CNTNAP3B: variants seen among roughly 807,000 people sequenced by gnomAD.
CNTNAP3B encodes the protein contactin associated protein family member 3B.
In CNTNAP3B, 25 loss-of-function variants were observed where a neutral mutation model predicts 108.9. The ratio of observed to expected loss-of-function variants is 0.23; its 90% CI spans 0.17 to 0.32. The LOEUF is 0.32. Among genes scored for constraint, CNTNAP3B ranks in the 10% least tolerant of loss-of-function variants. CNTNAP3B has a pLI of 1.00. For synonymous variants in CNTNAP3B, 103 were observed against 473.4 expected, an observed-to-expected ratio of 0.22 and a Z score of 10.16; for missense variants, 252 against 1,210.4, an observed-to-expected ratio of 0.21 and a Z score of 11.75.
At chr9:41,943,605 G>A (rs1824432225) in intron 13 of CNTNAP3B, among the ~76,000 whole-genome samples, 1 of 150,850 alleles carries the variant, frequency 6.6e-6, no homozygotes, top group African/African-American at 2.5e-5. Context: ...GCCCGCCTCG[G>A]CCTCCCAAAG....
chr9:41,924,365 T>G (rs1421119986), intron 15 of CNTNAP3B, among the ~76,000 whole-genome samples: 2 of 152,294 alleles, frequency 1.3e-5, no homozygotes, highest in Non-Finnish European at 2.9e-5. Context: ...AGCAACACAG[T>G]AGGGACAGGG....
At chr9:41,937,247 C>T (rs1564149571) in intron 14 of CNTNAP3B, among the ~76,000 whole-genome samples, 1 of 151,068 alleles carries the variant, frequency 6.6e-6, no homozygotes, top group Non-Finnish European at 1.5e-5. Flanking sequence ...CTGTCTCACC[C>T]TCCTGAGCAG....
intron 2 of CNTNAP3B, among the ~76,000 whole-genome samples, chr9:42,084,271 G>T (rs1827659907): frequency 8.2e-6 from 1 of 122,094 alleles, no homozygotes; most frequent in Non-Finnish European, 1.7e-5. Context: ...AGGCAAAGAA[G>T]CCATTATCTT....
rs1211046132 is a variant in CNTNAP3B, at chr9:41,925,908, G to A, written c.2366-1815C>T. ...GAGTCGTGGTTTCTTTTTTAGCAGA[G>A]AATGACAGAAAATGGTGTTTAGAAG... is the stretch of plus-strand genomic sequence containing the variant. On this transcript the variant is annotated intron_variant, in intron 15 of 23. Coordinates refer to ENST00000377561, the MANE Select transcript of CNTNAP3B (RefSeq NM_001201380.3). 1.4e-4 allele frequency among the ~76,000 whole-genome samples: 22 copies of A among 152,356 alleles called. No individual in the cohort carries two copies. The East Asian group carries it at 2.3e-3, about 16-fold the overall frequency.
intron 12 of CNTNAP3B, among the ~76,000 whole-genome samples, chr9:41,959,033 T>G (rs1240556903): frequency 5.7e-5 from 8 of 141,576 alleles, no homozygotes; most frequent in African/African-American, 2.2e-4. Flanking sequence ...TGACAACGGT[T>G]TCCCCAAAGG....
At chr9:41,964,260 A>C (rs1464249397) in intron 11 of CNTNAP3B, among the ~76,000 whole-genome samples, 19 of 151,990 alleles carry the variant, frequency 1.3e-4, no homozygotes, top group Non-Finnish European at 2.8e-4. Context: ...AATTTAATTT[A>C]GTTTCTACCT....
intron 2 of CNTNAP3B, among the ~76,000 whole-genome samples, chr9:42,088,731 T>A (rs1422356660): frequency 3.7e-5 from 5 of 136,594 alleles, no homozygotes; most frequent in Non-Finnish European, 6.2e-5. Context: ...TAAGAACTAT[T>A]AAAAGGCACA....
chr9:42,121,409 A>G (rs1165189857), intron 1 of CNTNAP3B, among the ~76,000 whole-genome samples: 2 of 139,062 alleles, frequency 1.4e-5, no homozygotes, highest in Non-Finnish European at 3.1e-5. Flanking sequence ...ACTTTCCAGA[A>G]TGGAATGTGG....
chr9:41,990,796 C>A (rs1306940702), intron 8 of CNTNAP3B, among the ~76,000 whole-genome samples: 4 of 137,218 alleles, frequency 2.9e-5, no homozygotes, highest in African/African-American at 1.2e-4. Context: ...ACAAACTTGC[C>A]CACATCTGAC....
intron 15 of CNTNAP3B, among the ~76,000 whole-genome samples, chr9:41,925,558 A>G (rs982274399): frequency 6.6e-6 from 1 of 152,264 alleles, no homozygotes; most frequent in Non-Finnish European, 1.5e-5. Flanking sequence ...CTGCCACTGC[A>G]CTCCAGCCTG....
chr9:41,958,454 A>G (rs1339601776), intron 12 of CNTNAP3B, among the ~76,000 whole-genome samples: 1 of 152,034 alleles, frequency 6.6e-6, no homozygotes, highest in Non-Finnish European at 1.5e-5. Flanking sequence ...TGATAACCAG[A>G]TGTGATGTAC....
At chr9:41,966,655 A>G (rs1825285693) in intron 10 of CNTNAP3B, among the ~76,000 whole-genome samples, 1 of 152,298 alleles carries the variant, frequency 6.6e-6, no homozygotes, top group Admixed American at 6.5e-5. Context: ...AGTCTGATGT[A>G]AGAGGTGATT....
At position 42,116,001 on chromosome 9, in the gene CNTNAP3B, T is replaced by C. The variant is rs573314732; in HGVS notation, c.86-11262A>G. On this transcript the variant is annotated intron_variant, in intron 1 of 23. Transcript: ENST00000377561. The stretch of plus-strand genomic sequence containing the variant: ...GGATTAGACGAATGGCTAACTAGAA[T>C]AAACAGCGTAGAGAAGACCTTAAAT... 1.6e-4 allele frequency among the ~76,000 whole-genome samples: 22 copies of C among 138,236 alleles called. 4 individuals are homozygous for C. The highest frequency in any genetic ancestry group is 1.2e-3 in the Admixed American group (16 of 13,856). The allele number at this position is 138,236 out of a possible 152,430, so 90.7% of individuals were successfully genotyped here.
intron 1 of CNTNAP3B, among the ~76,000 whole-genome samples, chr9:42,122,619 T>C (rs1174017184): frequency 7.2e-6 from 1 of 137,976 alleles, no homozygotes; most frequent in Admixed American, 7.3e-5. Context: ...CTTCTTACAA[T>C]AAATTCATAA....
intron 1 of CNTNAP3B, among the ~76,000 whole-genome samples, chr9:42,105,915 TTTTC>T (rs1203448588): frequency 3.0e-5 from 1 of 33,118 alleles, no homozygotes; most frequent in Admixed American, 4.4e-4. Context: ...GATACACTTT[TTTTC>T]TTTGTGAGCA....
At position 42,115,437 on chromosome 9, in the gene CNTNAP3B, C is replaced by A. The variant is rs200295755; in HGVS notation, c.86-10698G>T. 2.2e-5 allele frequency among the ~76,000 whole-genome samples: 3 copies of A among 138,908 alleles called. 1 individual carries two copies. The highest frequency in any genetic ancestry group is 4.6e-5 in the Non-Finnish European group (3 of 64,820). 91.1% of individuals were successfully genotyped at this position (138,908 alleles called of 152,430 possible). ...TCCTTAAGTGGGTCCCTGACCCCTG[C>A]GTAGCCTAACTGGGAGACAACTCCC... is the stretch of plus-strand genomic sequence containing the variant. On this transcript the variant is annotated intron_variant, in intron 1 of 23. Coordinates refer to ENST00000377561, the MANE Select transcript of CNTNAP3B (RefSeq NM_001201380.3).
intron 3 of CNTNAP3B, among the ~76,000 whole-genome samples, chr9:42,054,708 A>G (rs1827025351): frequency 6.6e-6 from 1 of 151,888 alleles, no homozygotes; most frequent in Non-Finnish European, 1.5e-5. Context: ...AACACCACTA[A>G]AATAAATATT....
Position 41,969,104 on chromosome 9 carries a change from A to C in CNTNAP3B, c.1649+970T>G, listed in dbSNP as rs1290382910. Among the ~76,000 whole-genome samples the C allele has an allele frequency of 2.0e-5, 3 of 152,404 alleles. No homozygotes were observed. In the East Asian group the frequency reaches 5.8e-4, roughly 29 times the overall value. ...AGCCACCACGCTGGGCCAGATTATC[A>C]CTTTTCAATTTTTAAATCTGTAGCA... On this transcript the variant is annotated intron_variant, in intron 10 of 23. Transcript: ENST00000377561.
chr9:42,115,572 A>C (rs1828296929), intron 1 of CNTNAP3B, among the ~76,000 whole-genome samples: 1 of 134,284 alleles, frequency 7.4e-6, no homozygotes, highest in African/African-American at 3.0e-5. Context: ...GCTGTTCTGC[A>C]GCCTCTGCTG....
Sources: allele counts gnomAD v4.1 joint callset (sites outside exome capture counted in the v4.1 genomes callset), GRCh38; gene constraint gnomAD v4.1.1; transcripts MANE v1.5; gene names NCBI Gene and HGNC (gene_info 2026-07-23, HGNC 2026-07-21).